MACROD2: variants seen among roughly 807,000 people sequenced by gnomAD.
MACROD2 encodes ADP-ribose glycohydrolase MACROD2.
A neutral mutation model predicts 70.4 loss-of-function variants in MACROD2; 36 were observed. The ratio of observed to expected loss-of-function variants is 0.51; its 90% CI spans 0.39 to 0.68. The LOEUF is 0.68. Ranked by LOEUF, MACROD2 falls within the 30% of genes least tolerant of loss-of-function variation. MACROD2 has a pLI of 0.00. For synonymous variants in MACROD2, 172 were observed against 178.8 expected (o/e 0.96, Z 0.30); for missense variants, 496 against 538.4 (o/e 0.92, Z 0.78).
intron 5 of MACROD2, among the ~76,000 whole-genome samples, chr20:15,041,758 T>C (rs1316480211): frequency 6.6e-6 from 1 of 152,202 alleles, no homozygotes; most frequent in African/African-American, 2.4e-5. Flanking sequence ...TTTTTTAATT[T>C]ATATTTTTCA....
At chr20:15,335,186 G>C (rs184694559) in intron 6 of MACROD2, among the ~76,000 whole-genome samples, 98 of 151,952 alleles carry the variant, frequency 6.4e-4, no homozygotes, top group Non-Finnish European at 2.8e-4. Context: ...GGCCATGACA[G>C]TGGCAGGGAC....
intron 5 of MACROD2, among the ~76,000 whole-genome samples, chr20:14,726,002 AT>A (rs1477223401): frequency 3.9e-5 from 6 of 152,182 alleles, no homozygotes; most frequent in Non-Finnish European, 8.8e-5. Flanking sequence ...GGCTCTCATC[AT>A]TATACCTTTC....
chr20:15,711,691 T>C (rs560658683), intron 8 of MACROD2, among the ~76,000 whole-genome samples: 3 of 152,340 alleles, frequency 2.0e-5, no homozygotes, highest in East Asian at 3.9e-4. Context: ...GATGCTAGTA[T>C]GTACTACATT....
chr20:14,906,600 T>C (rs1227738286), intron 5 of MACROD2, among the ~76,000 whole-genome samples: 1 of 152,178 alleles, frequency 6.6e-6, no homozygotes, highest in Non-Finnish European at 1.5e-5. Context: ...TTAGCACAGA[T>C]ATCAGCCAGT....
At position 15,350,530 on chromosome 20, in the gene MACROD2, CAGAT is replaced by C. The variant is rs141852366; in HGVS notation, c.541-80872_541-80869del. Among the ~76,000 whole-genome samples the C allele has an allele frequency of 8.8e-3, 1,337 of 152,218 alleles. 10 individuals carry two copies. The highest frequency in any genetic ancestry group is 0.012 in the Non-Finnish European group (836 of 68,016). On this transcript the variant is annotated intron_variant, in intron 6 of 17. Coordinates refer to ENST00000684519, the MANE Select transcript of MACROD2 (RefSeq NM_001351661.2). ...TCACAAATGCAAATTCGTGTTTACT[CAGAT>C]AGGGAATTGAAAGTTCTTGATGTCA...
chr20:15,152,723 C>T (rs1469342681), intron 5 of MACROD2, among the ~76,000 whole-genome samples: 9 of 152,092 alleles, frequency 5.9e-5, no homozygotes, highest in Admixed American at 6.5e-5. Flanking sequence ...CCAAAGCAGG[C>T]GTCCCTGCGT....
chr20:14,350,137 C>T (rs894646423), intron 3 of MACROD2, among the ~76,000 whole-genome samples: 57 of 152,110 alleles, frequency 3.7e-4, no homozygotes, highest in Non-Finnish European at 2.9e-5. Flanking sequence ...TGCTGATGAA[C>T]TCTTAGGTTG....
At chr20:16,046,637 G>C (rs2147623459) in intron 17 of MACROD2, among the ~76,000 whole-genome samples, 1 of 145,010 alleles carries the variant, frequency 6.9e-6, no homozygotes, top group African/African-American at 2.5e-5. Flanking sequence ...AAATAAAAAT[G>C]AACTCATATG....
chr20:14,865,367 A>T (rs2073417278), intron 5 of MACROD2, among the ~76,000 whole-genome samples: 1 of 150,884 alleles, frequency 6.6e-6, no homozygotes, highest in Non-Finnish European at 1.5e-5. Flanking sequence ...GGTAATCCCT[A>T]GGTTGACTCA....
intron 5 of MACROD2, among the ~76,000 whole-genome samples, chr20:15,126,603 A>C (rs983311857): frequency 5.3e-5 from 8 of 152,156 alleles, no homozygotes; most frequent in African/African-American, 1.7e-4. Context: ...GAAATAGCTC[A>C]AAGTCTACTT....
intron 3 of MACROD2, among the ~76,000 whole-genome samples, chr20:14,344,617 T>A (rs925364399): frequency 6.6e-6 from 1 of 152,214 alleles, no homozygotes; most frequent in African/African-American, 2.4e-5. Flanking sequence ...CTAGGTTTCC[T>A]ATGTGGATTT....
chr20:15,554,630 C>T (rs2048142189), intron 8 of MACROD2, among the ~76,000 whole-genome samples: 1 of 150,626 alleles, frequency 6.6e-6, no homozygotes. Context: ...ATGCTTAGGA[C>T]TATTGTTTGT....
chr20:15,489,362 AG>A (rs1221119043), intron 7 of MACROD2, among the ~76,000 whole-genome samples: 3 of 152,206 alleles, frequency 2.0e-5, no homozygotes, highest in Non-Finnish European at 4.4e-5. Flanking sequence ...GGGGTAAGAC[AG>A]GACCATGGGG....
At chr20:15,629,186 T>A (rs1206720541) in intron 8 of MACROD2, among the ~76,000 whole-genome samples, 1 of 152,216 alleles carries the variant, frequency 6.6e-6, no homozygotes, top group Admixed American at 6.5e-5. Context: ...GCTTTAACTA[T>A]TTTCTATACT....
chr20:15,536,372 A>G (rs546610601), intron 8 of MACROD2, among the ~76,000 whole-genome samples: 26 of 152,344 alleles, frequency 1.7e-4, no homozygotes, highest in Middle Eastern at 3.4e-3. Flanking sequence ...CTCCTAAAAC[A>G]AAGGAAGGTG....
intron 9 of MACROD2, among the ~76,000 whole-genome samples, chr20:15,878,911 A>G (rs1048596051): frequency 6.6e-6 from 1 of 152,142 alleles, no homozygotes; most frequent in African/African-American, 2.4e-5. Context: ...TGTGATCAAA[A>G]TAAGAACTTC....
intron 3 of MACROD2, among the ~76,000 whole-genome samples, chr20:14,462,855 C>T (rs566840231): frequency 2.6e-5 from 4 of 152,004 alleles, no homozygotes; most frequent in Non-Finnish European, 4.4e-5. Context: ...AGATATGCGG[C>T]ATTATTTCTG....
At chr20:14,584,083 C>G (rs1349821793) in intron 4 of MACROD2, among the ~76,000 whole-genome samples, 1 of 152,112 alleles carries the variant, frequency 6.6e-6, no homozygotes, top group African/African-American at 2.4e-5. Flanking sequence ...ATGCCCATTA[C>G]TATTCCATTT....
At chr20:14,558,972 CACACAG>C (rs887033391) in intron 4 of MACROD2, among the ~76,000 whole-genome samples, 5 of 151,644 alleles carry the variant, frequency 3.3e-5, no homozygotes, top group Admixed American at 6.6e-5. Flanking sequence ...TTATAACACA[CACACAG>C]ACACAAAGAT....
Sources: allele counts gnomAD v4.1 joint callset (sites outside exome capture counted in the v4.1 genomes callset), GRCh38; gene constraint gnomAD v4.1.1; transcripts MANE v1.5; gene names NCBI Gene and HGNC (gene_info 2026-07-23, HGNC 2026-07-21).